TBL1Y: variants seen among roughly 807,000 people sequenced by gnomAD.
TBL1Y encodes the protein F-box-like/WD repeat-containing protein TBL1Y.
A neutral mutation model predicts 12.0 loss-of-function variants in TBL1Y; 15 were observed. That is an observed-to-expected ratio of 1.25 (90% CI 0.83 to 1.92). The LOEUF is 1.92. TBL1Y is among the 40% of genes most tolerant of loss of function. TBL1Y has a pLI of 0.00. For synonymous variants in TBL1Y, 53 were observed against 42.6 expected (o/e 1.24, Z -0.95); for missense variants, 148 against 116.7 (o/e 1.27, Z -1.24).
chrY:7,059,694 C>T, intron 7 of TBL1Y, among the ~76,000 whole-genome samples: 4 of 33,461 alleles, frequency 1.2e-4, no homozygotes, highest in Admixed American at 2.7e-4. Flanking sequence ...AATGTGGGGA[C>T]GTCAGCAGTG....
intron 2 of TBL1Y, among the ~76,000 whole-genome samples, chrY:6,972,384 A>G: frequency 5.9e-5 from 2 of 33,618 alleles, no homozygotes; most frequent in African/African-American, 2.3e-4. Flanking sequence ...TGGCAGCAAC[A>G]TAACTGTCTT....
At chrY:6,977,824 C>A (rs772860133) in intron 2 of TBL1Y, among the ~76,000 whole-genome samples, 2 of 32,550 alleles carry the variant, frequency 6.1e-5, no homozygotes, top group African/African-American at 2.4e-4. Flanking sequence ...CAGAGTAATG[C>A]AGAAGGAGAG....
chrY:6,914,002 T>G, intron 2 of TBL1Y, among the ~76,000 whole-genome samples: 2 of 33,118 alleles, frequency 6.0e-5, no homozygotes, highest in Non-Finnish European at 7.4e-5. Flanking sequence ...TGGGGCTGCA[T>G]GAGGTTAGGT....
chrY:6,940,091 TAC>T (rs1569362932), intron 2 of TBL1Y, among the ~76,000 whole-genome samples: 1 of 2,109 alleles, frequency 4.7e-4, no homozygotes, highest in Non-Finnish European at 9.5e-4. Flanking sequence ...CTACTAAAAA[TAC>T]AAAAAAAAAA....
At chrY:7,044,422 C>T (rs2012746958) in intron 7 of TBL1Y, among the ~76,000 whole-genome samples, 1 of 32,396 alleles carries the variant, frequency 3.1e-5, no homozygotes, top group Non-Finnish European at 7.5e-5. Flanking sequence ...TTTTCTCCTA[C>T]GCTGACCCAG....
intron 2 of TBL1Y, among the ~76,000 whole-genome samples, chrY:6,975,442 T>C: frequency 3.0e-5 from 1 of 33,223 alleles, no homozygotes; most frequent in Non-Finnish European, 7.3e-5. Flanking sequence ...TTTGCTATTT[T>C]ATATGTGCTT....
intron 14 of TBL1Y, among the ~76,000 whole-genome samples, chrY:7,085,160 AT>A (rs2013119024): frequency 9.2e-5 from 1 of 10,856 alleles, no homozygotes; most frequent in Non-Finnish European, 1.5e-4. Flanking sequence ...TCTGTAAAAA[AT>A]ACACACACAC....
chrY:7,024,877 T>C, intron 5 of TBL1Y, among the ~76,000 whole-genome samples, 158 bp from the exon 6 acceptor site: 1 of 32,341 alleles, frequency 3.1e-5, no homozygotes, highest in Non-Finnish European at 7.5e-5. Context: ...AATTATGGAA[T>C]GTTTATGTAA....
At chrY:7,044,838 A>G in intron 7 of TBL1Y, among the ~76,000 whole-genome samples, 2 of 32,975 alleles carry the variant, frequency 6.1e-5, no homozygotes, top group African/African-American at 1.2e-4. Context: ...TGGTGAAGGC[A>G]TTTTGCCATG....
intron 13 of TBL1Y, among the ~76,000 whole-genome samples, chrY:7,076,929 AAG>A (rs2013065728): frequency 9.2e-4 from 24 of 26,033 alleles, no homozygotes; most frequent in Non-Finnish European, 1.3e-3. Context: ...AAAAAAAAAA[AAG>A]AGAGAGAGAG....
In TBL1Y at chrY:7,087,101, AT is replaced by A. The variant is rs199555584; in HGVS notation, c.1281-160del. Among the ~76,000 whole-genome samples the A allele has an allele frequency of 1.6e-3, 38 of 23,454 alleles. No homozygotes were observed. In the East Asian group the frequency reaches 0.038, roughly 23 times the overall value. The allele number at this position is 23,454 out of a possible 37,273, so 62.9% of individuals were successfully genotyped here. A position where few individuals can be genotyped will look rare whatever the true frequency, so the allele number is the denominator to read the frequency against. On this transcript the variant is annotated intron_variant, in intron 16 of 18. Transcript: ENST00000383032. The stretch of plus-strand genomic sequence containing the variant: ...ATCTTATATTTTTTATATAGCTTAT[AT>A]TTTTTATATATTTTATATACATATC...
At chrY:6,958,679 C>T (rs1603029743) in intron 2 of TBL1Y, among the ~76,000 whole-genome samples, 7 of 33,342 alleles carry the variant, frequency 2.1e-4, no homozygotes, top group East Asian at 8.0e-4. Flanking sequence ...ATAGAATCTA[C>T]GTCATAATTA....
intron 2 of TBL1Y, among the ~76,000 whole-genome samples, chrY:6,952,562 A>G (rs2012038615): frequency 2.5e-3 from 81 of 32,629 alleles, no homozygotes; most frequent in Admixed American, 9.2e-3. Context: ...TTTTGAGGCT[A>G]TGTGTGTCTC....
intron 8 of TBL1Y, among the ~76,000 whole-genome samples, chrY:7,065,408 G>A: frequency 3.0e-5 from 1 of 33,781 alleles, no homozygotes; most frequent in East Asian, 7.7e-4. Context: ...GGAACCATGA[G>A]TCCATTAAAC....
chrY:6,993,845 G>A (rs2012392024), intron 3 of TBL1Y, among the ~76,000 whole-genome samples: 1 of 30,636 alleles, frequency 3.3e-5, no homozygotes. Flanking sequence ...GTTAATGTAC[G>A]TATTTAAATG....
intron 7 of TBL1Y, among the ~76,000 whole-genome samples, chrY:7,058,681 A>G (rs2012838483): frequency 2.9e-5 from 1 of 34,209 alleles, no homozygotes; most frequent in Non-Finnish European, 7.3e-5. Context: ...GTTTGTTTTA[A>G]GTCTTTACAT....
At chrY:6,962,031 G>A (rs2012130358) in intron 2 of TBL1Y, among the ~76,000 whole-genome samples, 1 of 33,789 alleles carries the variant, frequency 3.0e-5, no homozygotes, top group African/African-American at 1.1e-4. Context: ...ATGTGAATAG[G>A]TATCAACTGT....
chrY:7,072,742 G>A, intron 12 of TBL1Y, among the ~76,000 whole-genome samples: 1 of 34,255 alleles, frequency 2.9e-5, no homozygotes, highest in Non-Finnish European at 7.3e-5. Context: ...AAAGCCATCA[G>A]TAGGGTGGGA....
At chrY:7,040,692 CG>C (rs2012717038) in intron 6 of TBL1Y, among the ~76,000 whole-genome samples, 1 of 33,950 alleles carries the variant, frequency 2.9e-5, no homozygotes, top group African/African-American at 1.2e-4. Context: ...AGTGTAATCT[CG>C]GAGTCACATA....
Sources: allele counts gnomAD v4.1 joint callset (sites outside exome capture counted in the v4.1 genomes callset), GRCh38; gene constraint gnomAD v4.1.1; transcripts MANE v1.5; gene names NCBI Gene and HGNC (gene_info 2026-07-23, HGNC 2026-07-21).